The following COMMD1 variants were observed in gnomAD, a reference collection of about 807,000 sequenced individuals.
COMMD1 encodes the protein COMM domain-containing protein 1.
In COMMD1, 10 loss-of-function variants were observed where a neutral mutation model predicts 17.2. The observed-to-expected ratio is 0.58, with a 90% CI of 0.36 to 0.99. The LOEUF (loss-of-function observed/expected upper bound fraction) is 0.99. Among genes scored for constraint, COMMD1 ranks in the 50% least tolerant of loss-of-function variants. The probability of loss-of-function intolerance (pLI) is 0.01; values close to 1 mark genes in which losing one functional copy is unlikely to be tolerated. For synonymous variants in COMMD1, 97 were observed against 91.6 expected (o/e 1.06, Z -0.34); for missense variants, 270 against 231.8 (o/e 1.17, Z -1.07).
At chr2:62,110,724 T>C (rs530359244) in intron 2 of COMMD1, among the ~76,000 whole-genome samples, 3 of 152,220 alleles carry the variant, frequency 2.0e-5, no homozygotes, top group South Asian at 4.1e-4. Context: ...CTTTAACCTT[T>C]TGTAGTATGA....
chr2:62,128,768 T>C (rs545874595), intron 2 of COMMD1, among the ~76,000 whole-genome samples: 2 of 151,936 alleles, frequency 1.3e-5, no homozygotes, highest in African/African-American at 2.4e-5. Flanking sequence ...CTGGCTAACA[T>C]AGTGAAACCC....
At chr2:61,959,493 G>A (rs1347045324) in intron 1 of COMMD1, among the ~76,000 whole-genome samples, 1 of 152,168 alleles carries the variant, frequency 6.6e-6, no homozygotes, top group Non-Finnish European at 1.5e-5. Flanking sequence ...TTTTATAAAT[G>A]TAATTTTATT....
intron 2 of COMMD1, among the ~76,000 whole-genome samples, chr2:62,056,180 T>C (rs1670695862): frequency 6.6e-6 from 1 of 152,176 alleles, no homozygotes. Context: ...GTGTCATCCA[T>C]AGAGAAAGGC....
intron 2 of COMMD1, among the ~76,000 whole-genome samples, chr2:62,041,474 T>G (rs917309216): frequency 1.3e-5 from 2 of 152,208 alleles, no homozygotes; most frequent in Non-Finnish European, 2.9e-5. Flanking sequence ...GGTGCTATCA[T>G]AGCTCACTGC....
intron 2 of COMMD1, among the ~76,000 whole-genome samples, chr2:62,130,237 T>C (rs1672994242): frequency 6.7e-6 from 1 of 149,358 alleles, no homozygotes; most frequent in East Asian, 1.9e-4. Context: ...TCTGGGGTAA[T>C]AAGCTTTATG....
intron 1 of COMMD1, among the ~76,000 whole-genome samples, chr2:61,926,396 A>G (rs1195520244): frequency 1.3e-5 from 2 of 152,244 alleles, no homozygotes; most frequent in South Asian, 2.1e-4. Flanking sequence ...AGTGGAATAT[A>G]CTTTCAGACA....
chr2:61,931,178 G>C (rs918914034), intron 1 of COMMD1, among the ~76,000 whole-genome samples: 2 of 152,082 alleles, frequency 1.3e-5, no homozygotes, highest in African/African-American at 4.8e-5. Flanking sequence ...CGGGTGTGGT[G>C]GTGCGTGCCT....
At position 61,923,973 on chromosome 2, in the gene COMMD1, C is replaced by T. The variant is rs577063787; in HGVS notation, c.180+18115C>T. Among the ~76,000 whole-genome samples, 14 of 152,194 alleles carry T rather than the reference C, an allele frequency of 9.2e-5. No homozygotes were observed. In the South Asian group the frequency reaches 2.5e-3, roughly 27 times the overall value. ...TGTATTTTTTGTAGAGATGGGGTTT[C>T]GCCATGTTGCCCAGGCTGATCTTGA... is the stretch of plus-strand genomic sequence containing the variant. On this transcript the variant is annotated intron_variant, in intron 1 of 2. Coordinates refer to ENST00000311832, the MANE Select transcript of COMMD1 (RefSeq NM_152516.4).
At chr2:62,089,372 GCCCCCCGGGTT>G (rs1671760752) in intron 2 of COMMD1, among the ~76,000 whole-genome samples, 1 of 149,812 alleles carries the variant, frequency 6.7e-6, no homozygotes. Flanking sequence ...TGCAACCTAA[GCCCCCCGGGTT>G]CAAGTGATTC....
rs1251796207 is a variant in COMMD1, at chr2:61,932,504, A to AT, written c.180+26647dup. ...CATATACATAGGAGAGGTTGACACT[A>AT]TGTCTAAGGAGTGAAGAAAGAAGAA... On this transcript the variant is annotated intron_variant, in intron 1 of 2. Coordinates refer to ENST00000311832, the MANE Select transcript of COMMD1 (RefSeq NM_152516.4). Among the ~76,000 whole-genome samples, 10 of 152,288 alleles carry AT rather than the reference A, an allele frequency of 6.6e-5. No individual in the cohort carries two copies. The East Asian group carries it at 1.9e-3, about 29-fold the overall frequency.
At chr2:62,045,407 G>A (rs1047204402) in intron 2 of COMMD1, among the ~76,000 whole-genome samples, 2 of 152,192 alleles carry the variant, frequency 1.3e-5, no homozygotes, top group African/African-American at 4.8e-5. Context: ...AAGATTTATA[G>A]AAACTATACC....
chr2:62,023,641 G>A (rs1159919077), intron 2 of COMMD1, among the ~76,000 whole-genome samples: 2 of 152,020 alleles, frequency 1.3e-5, no homozygotes, highest in East Asian at 3.9e-4. Context: ...ACGCCACCAC[G>A]CTTGGCTAAT....
intron 1 of COMMD1, among the ~76,000 whole-genome samples, chr2:61,961,345 TA>T (rs1292146899): frequency 1.3e-5 from 2 of 152,150 alleles, no homozygotes; most frequent in East Asian, 3.9e-4. Context: ...TAAAACTTTT[TA>T]AATTGGGCAA....
At chr2:61,935,876 G>A (rs1002985590) in intron 1 of COMMD1, among the ~76,000 whole-genome samples, 26 of 152,052 alleles carry the variant, frequency 1.7e-4, no homozygotes, top group Middle Eastern at 3.4e-3. Flanking sequence ...GAGTGCAGTG[G>A]AGCTATCTCA....
chr2:62,061,749 G>A (rs973745317), intron 2 of COMMD1, among the ~76,000 whole-genome samples: 44 of 151,478 alleles, frequency 2.9e-4, no homozygotes, highest in African/African-American at 8.7e-4. Flanking sequence ...TAGACACAGG[G>A]TTTCACTGTG....
chr2:62,030,794 A>C (rs1669891186), intron 2 of COMMD1, among the ~76,000 whole-genome samples: 2 of 152,166 alleles, frequency 1.3e-5, no homozygotes, highest in South Asian at 4.1e-4. Context: ...AAAATGTATT[A>C]GTTATTTTAC....
At chr2:62,114,219 T>C (rs752529499) in intron 2 of COMMD1, among the ~76,000 whole-genome samples, 1 of 152,250 alleles carries the variant, frequency 6.6e-6, no homozygotes, top group Non-Finnish European at 1.5e-5. Flanking sequence ...TTCTGTACTT[T>C]GAAGAATTGA....
At chr2:61,980,874 A>G (rs1190651549) in intron 1 of COMMD1, among the ~76,000 whole-genome samples, 5 of 152,120 alleles carry the variant, frequency 3.3e-5, no homozygotes, top group Non-Finnish European at 5.9e-5. Context: ...ATGTCTCACT[A>G]TAGTTTTGAT....
At chr2:62,098,075 TG>T (rs917206830) in intron 2 of COMMD1, among the ~76,000 whole-genome samples, 1 of 151,760 alleles carries the variant, frequency 6.6e-6, no homozygotes, top group Admixed American at 6.6e-5. Context: ...CTGGGGACCA[TG>T]GGACCCTTGC....
Sources: gnomAD v4.1 joint callset for allele counts (sites outside exome capture counted in the v4.1 genomes callset) on GRCh38, gnomAD v4.1.1 for gene constraint, MANE v1.5 for transcripts, NCBI Gene and HGNC (gene_info 2026-07-23, HGNC 2026-07-21) for gene names.